The following DISC1 variants were observed in gnomAD, a reference collection of about 807,000 sequenced individuals.
The protein encoded by DISC1 is disrupted in schizophrenia 1 protein.
In DISC1, 57 loss-of-function variants were observed where a neutral mutation model predicts 84.5. The observed-to-expected ratio is 0.67, with a 90% CI of 0.55 to 0.84. DISC1 has a LOEUF of 0.84. DISC1 is among the 40% of genes least tolerant of loss of function. The pLI, the probability that DISC1 is intolerant of heterozygous loss-of-function variation, is 0.00. For missense variants in DISC1, 1,000 were observed against 1,057.8 expected, an observed-to-expected ratio of 0.95 and a Z score of 0.76; for synonymous variants, 411 against 415.2, an observed-to-expected ratio of 0.99 and a Z score of 0.12.
At chr1:231,907,017 T>TCCC (rs2088726408) in intron 9 of DISC1, among the ~76,000 whole-genome samples, 2 of 151,728 alleles carry the variant, frequency 1.3e-5, no homozygotes, top group Non-Finnish European at 2.9e-5. Context: ...TCTCTTTCTT[T>TCCC]TTCTTCTCTC....
chr1:231,639,244 C>G (rs933504646), intron 1 of DISC1, among the ~76,000 whole-genome samples: 18 of 148,712 alleles, frequency 1.2e-4, no homozygotes, highest in African/African-American at 4.5e-4. Flanking sequence ...GCAAAAATCT[C>G]TAAAGGAGCC....
intron 11 of DISC1, 72 bp from the exon 12 acceptor site, chr1:232,026,363 A>G (rs1272075707): frequency 1.9e-6 from 2 of 1,043,888 alleles, no homozygotes; most frequent in Non-Finnish European, 2.9e-6. Context: ...AGCTCTTTCC[A>G]GGAAGCTTCC....
chr1:231,912,809 T>TTTC (rs2089341751), intron 9 of DISC1, among the ~76,000 whole-genome samples: 3 of 149,214 alleles, frequency 2.0e-5, no homozygotes, highest in Admixed American at 6.8e-5. Flanking sequence ...TTCTTTCTTT[T>TTTC]TCTTTCCTTG....
rs867724698 is a variant in DISC1, at chr1:231,690,814, C to G, written c.68-3012C>G. Reference sequence around the variant, plus strand: ...GTGCCCTCCGGATCTGCCCTCTGCCCTCTGAGGGTTAGGATTCATAGTGTG... The same window carrying G: ...GTGCCCTCCGGATCTGCCCTCTGCCGTCTGAGGGTTAGGATTCATAGTGTG... On this transcript the variant is annotated intron_variant, in intron 1 of 12. Coordinates refer to ENST00000439617, the MANE Select transcript of DISC1 (RefSeq NM_018662.3). 2.8e-4 allele frequency among the ~76,000 whole-genome samples: 42 copies of G among 152,170 alleles called. 1 individual carries two copies. Among genetic ancestry groups the G allele is most frequent in the Admixed American group, 3.3e-4 (5 of 15,278 alleles).
At chr1:231,999,350 C>T (rs1197603213) in intron 10 of DISC1, among the ~76,000 whole-genome samples, 1 of 152,178 alleles carries the variant, frequency 6.6e-6, no homozygotes, top group Non-Finnish European at 1.5e-5. Flanking sequence ...TACATACCTA[C>T]TTCATGAAAA....
At chr1:231,683,150 T>G (rs1020329888) in intron 1 of DISC1, among the ~76,000 whole-genome samples, 1 of 152,150 alleles carries the variant, frequency 6.6e-6, no homozygotes, top group Non-Finnish European at 1.5e-5. Flanking sequence ...AAAACCACAT[T>G]CAAGAAATAG....
At chr1:232,025,155 A>T (rs1031061010) in intron 11 of DISC1, among the ~76,000 whole-genome samples, 2 of 152,196 alleles carry the variant, frequency 1.3e-5, no homozygotes, top group Admixed American at 6.5e-5. Context: ...TGGACACAGA[A>T]CTTATCAGAA....
intron 9 of DISC1, among the ~76,000 whole-genome samples, chr1:231,930,175 T>C (rs962249225): frequency 3.9e-5 from 6 of 152,202 alleles, no homozygotes; most frequent in African/African-American, 1.2e-4. Flanking sequence ...TATTTTTCTT[T>C]GATTTTTGAA....
At chr1:231,987,937 C>T (rs1413370539) in intron 10 of DISC1, among the ~76,000 whole-genome samples, 5 of 152,060 alleles carry the variant, frequency 3.3e-5, no homozygotes. Flanking sequence ...ACCTGTAATC[C>T]CAGCACTTTA....
chr1:231,688,224 ATG>A (rs752199158), intron 1 of DISC1, among the ~76,000 whole-genome samples: 7 of 150,964 alleles, frequency 4.6e-5, no homozygotes, highest in Non-Finnish European at 7.4e-5. Flanking sequence ...GTATGTACAA[ATG>A]TGTGTGTGTG....
intron 8 of DISC1, among the ~76,000 whole-genome samples, chr1:231,811,784 T>G (rs1488901558): frequency 6.6e-6 from 1 of 152,106 alleles, no homozygotes; most frequent in Admixed American, 6.5e-5. Context: ...TGACATGAGA[T>G]CAGAAGAAAC....
intron 3 of DISC1, among the ~76,000 whole-genome samples, chr1:231,736,483 A>G (rs2072515849): frequency 6.6e-6 from 1 of 152,248 alleles, no homozygotes; most frequent in Non-Finnish European, 1.5e-5. Flanking sequence ...GAAAGAATAT[A>G]CATATAGCTC....
chr1:231,678,257 A>C (rs576164760), intron 1 of DISC1, among the ~76,000 whole-genome samples: 1 of 152,350 alleles, frequency 6.6e-6, no homozygotes, highest in Non-Finnish European at 1.5e-5. Flanking sequence ...TGGAATTGTA[A>C]ACAGGAGGTC....
At chr1:231,709,055 A>G (rs747841203) in intron 3 of DISC1, among the ~76,000 whole-genome samples, 10 of 152,254 alleles carry the variant, frequency 6.6e-5, no homozygotes, top group Non-Finnish European at 1.2e-4. Context: ...CAAAAATACC[A>G]TAGGAAGAGA....
chr1:231,938,972 C>T (rs1232961192), intron 9 of DISC1, among the ~76,000 whole-genome samples: 1 of 152,136 alleles, frequency 6.6e-6, no homozygotes, highest in Admixed American at 6.5e-5. Context: ...ATCTCAACTC[C>T]ATCAGGTCTT....
chr1:231,838,749 T>C lies in DISC1; in HGVS notation c.1981+20232T>C, dbSNP rs146703436. 3.8e-3 allele frequency among the ~76,000 whole-genome samples: 584 copies of C among 152,354 alleles called. 2 individuals carry two copies. Among genetic ancestry groups the C allele is most frequent in the African/African-American group, 0.013 (558 of 41,580 alleles). ...TTTGCTTCTACATTTTTGCTCGTTG[T>C]ATGGATGCATTTTGTAGGACTGTGA... On this transcript the variant is annotated intron_variant, in intron 9 of 12. Coordinates refer to ENST00000439617, the MANE Select transcript of DISC1 (RefSeq NM_018662.3).
At chr1:231,735,477 A>T (rs905025622) in intron 3 of DISC1, among the ~76,000 whole-genome samples, 1 of 152,226 alleles carries the variant, frequency 6.6e-6, no homozygotes, top group South Asian at 2.1e-4. Context: ...AAAGCATGCA[A>T]ATTTGTATTT....
intron 6 of DISC1, 140 bp from the exon 7 acceptor site, chr1:231,795,102 C>A (rs2125609985): frequency 1.3e-6 from 1 of 777,180 alleles, no homozygotes; most frequent in East Asian, 2.6e-5. Context: ...TCAAATGGAG[C>A]CAATTTGGCA....
chr1:231,636,428 AGCGCT>A (rs2059207404), intron 1 of DISC1, among the ~76,000 whole-genome samples: 2 of 152,144 alleles, frequency 1.3e-5, no homozygotes, highest in Non-Finnish European at 2.9e-5. Flanking sequence ...CAGGAGGATG[AGCGCT>A]GCACTCCCTC....
Sources: allele counts gnomAD v4.1 joint callset (sites outside exome capture counted in the v4.1 genomes callset), GRCh38; gene constraint gnomAD v4.1.1; transcripts MANE v1.5; gene names NCBI Gene and HGNC (gene_info 2026-07-23, HGNC 2026-07-21).